The following ACER1 variants were observed in gnomAD, a reference collection of about 807,000 sequenced individuals.
ACER1 encodes the protein alkaline ceramidase 1.
Under a neutral mutation model 24.9 loss-of-function variants are expected in ACER1, and 28 were observed. The ratio of observed to expected loss-of-function variants is 1.13; its 90% CI spans 0.83 to 1.54. The LOEUF (loss-of-function observed/expected upper bound fraction) is 1.54, where lower values mean the gene tolerates loss of function less well. Ranked by LOEUF, ACER1 falls within the 40% of genes most tolerant of loss-of-function variation. The pLI is 0.00. For missense variants in ACER1, 352 were observed against 349.3 expected (o/e 1.01, Z -0.06); for synonymous variants, 132 against 131.4 (o/e 1.00, Z -0.03).
the ACER1 span, among the ~76,000 whole-genome samples, chr19:6,355,531 T>C: frequency 6.7e-6 from 1 of 149,154 alleles, no homozygotes. Context: ...GTCTGGGAAA[T>C]GAGGAGCGTC....
At chr19:6,330,072 C>T (rs1045227509) in intron 1 of ACER1, among the ~76,000 whole-genome samples, 2 of 151,596 alleles carry the variant, frequency 1.3e-5, no homozygotes, top group East Asian at 1.9e-4. Flanking sequence ...GGGGTTTCAC[C>T]GTGTTAGCCA....
intron 1 of ACER1, among the ~76,000 whole-genome samples, chr19:6,326,120 ATTTTTTTTTTT>A (rs961518968): frequency 9.3e-5 from 9 of 97,270 alleles, no homozygotes; most frequent in African/African-American, 3.5e-4. Flanking sequence ...ATGCTCAGCT[ATTTTTTTTTTT>A]TTTTTTTTTT....
intron 1 of ACER1, among the ~76,000 whole-genome samples, chr19:6,314,681 A>G (rs1259678819): frequency 6.6e-6 from 1 of 152,110 alleles, no homozygotes; most frequent in Non-Finnish European, 1.5e-5. Context: ...CAGAATTTTC[A>G]AAGAACTAAA....
intron 1 of ACER1, among the ~76,000 whole-genome samples, chr19:6,331,990 A>C: frequency 6.9e-6 from 1 of 144,634 alleles, no homozygotes; most frequent in African/African-American, 2.6e-5. Context: ...TTTTGAGACG[A>C]AGTCTCGCTC....
At chr19:6,354,716 T>G in the ACER1 span, among the ~76,000 whole-genome samples, 6 of 152,120 alleles carry the variant, frequency 3.9e-5, no homozygotes, top group African/African-American at 1.4e-4. Context: ...GCTCAGGAAT[T>G]TGAGACCAGC....
chr19:6,340,712 G>T, the ACER1 span, among the ~76,000 whole-genome samples: 1 of 152,132 alleles, frequency 6.6e-6, no homozygotes, highest in Non-Finnish European at 1.5e-5. Flanking sequence ...GCCCAGCCCA[G>T]ACCGGAGAAC....
At chr19:6,357,516 A>G in the ACER1 span, among the ~76,000 whole-genome samples, 1 of 151,990 alleles carries the variant, frequency 6.6e-6, no homozygotes, top group Non-Finnish European at 1.5e-5. Flanking sequence ...TCACACCTGT[A>G]ATCTGAGGAC....
chr19:6,325,576 C>T lies in ACER1; in HGVS notation c.93+7883G>A, dbSNP rs541335941. Among the ~76,000 whole-genome samples the T allele has an allele frequency of 4.6e-3, 694 of 152,336 alleles. 5 individuals carry two copies. Among genetic ancestry groups the T allele is most frequent in the African/African-American group, 0.016 (656 of 41,582 alleles). The stretch of plus-strand genomic sequence containing the variant: ...GCTGAGGCAGGAGAATCACTTGAAC[C>T]TGGGAGGCAGAGGTTGCAGTGAGCC... On this transcript the variant is annotated intron_variant, in intron 1 of 5. Transcript: ENST00000301452.
intron 1 of ACER1, among the ~76,000 whole-genome samples, chr19:6,327,582 A>G (rs2091667464): frequency 6.6e-6 from 1 of 150,862 alleles, no homozygotes; most frequent in Admixed American, 6.6e-5. Flanking sequence ...ATAAATAAAT[A>G]AATAATAATA....
At chr19:6,310,297 C>G (rs909838551) in intron 3 of ACER1, among the ~76,000 whole-genome samples, 3 of 150,794 alleles carry the variant, frequency 2.0e-5, no homozygotes, top group Non-Finnish European at 4.4e-5. Flanking sequence ...CCATGTTAGC[C>G]AGGATGGTCT....
chr19:6,319,342 C>T (rs1427468445), intron 1 of ACER1, among the ~76,000 whole-genome samples: 1 of 152,098 alleles, frequency 6.6e-6, no homozygotes, highest in Non-Finnish European at 1.5e-5. Flanking sequence ...GCTCAGCCCC[C>T]ACGTTCCCTG....
chr19:6,310,538 C>G (rs764443036), intron 3 of ACER1, among the ~76,000 whole-genome samples: 2 of 151,924 alleles, frequency 1.3e-5, no homozygotes, highest in Non-Finnish European at 2.9e-5. Flanking sequence ...CCACGGCACT[C>G]CAGCCTGGGT....
At chr19:6,355,853 G>T in the ACER1 span, among the ~76,000 whole-genome samples, 30 of 147,020 alleles carry the variant, frequency 2.0e-4, no homozygotes, top group Non-Finnish European at 3.0e-5. Context: ...AGGTGGGGGG[G>T]TCAGCCCCCC....
intron 1 of ACER1, among the ~76,000 whole-genome samples, chr19:6,320,381 C>T (rs942263556): frequency 2.1e-4 from 32 of 152,174 alleles, no homozygotes; most frequent in African/African-American, 7.2e-4. Context: ...GGCGCGATCT[C>T]GGCTCACTGC....
intron 1 of ACER1, among the ~76,000 whole-genome samples, chr19:6,332,773 C>T (rs1178300472): frequency 6.6e-6 from 1 of 152,050 alleles, no homozygotes; most frequent in Non-Finnish European, 1.5e-5. Context: ...TGGGTTCAAG[C>T]GATTCTCATG....
chr19:6,322,654 A>G (rs1189506578), intron 1 of ACER1, among the ~76,000 whole-genome samples: 1 of 152,138 alleles, frequency 6.6e-6, no homozygotes, highest in Non-Finnish European at 1.5e-5. Context: ...AGAAAGCAAA[A>G]GATTCTTCTT....
chr19:6,306,960 G>A (rs4807863), intron 5 of ACER1, 78 bp from the exon 6 acceptor site: 1,120,379 of 1,530,466 alleles, frequency 0.73, 416,186 homozygotes, highest in Middle Eastern at 0.81. Flanking sequence ...ACTTCTCATG[G>A]CTCTTGACCA....
intron 1 of ACER1, among the ~76,000 whole-genome samples, chr19:6,315,668 C>G (rs982488960): frequency 6.6e-6 from 1 of 150,834 alleles, no homozygotes; most frequent in Non-Finnish European, 1.5e-5. Flanking sequence ...CTTGAGCCAC[C>G]ACGGCCAGCC....
At chr19:6,334,259 TG>T (rs1568314603), upstream of ACER1, among the ~76,000 whole-genome samples, 1 of 152,112 alleles carries the variant, frequency 6.6e-6, no homozygotes, top group Non-Finnish European at 1.5e-5. Context: ...TTAGCCAGGA[TG>T]GTCTCGATCT....
Sources: gnomAD v4.1 joint callset for allele counts (sites outside exome capture counted in the v4.1 genomes callset) on GRCh38, gnomAD v4.1.1 for gene constraint, MANE v1.5 for transcripts, NCBI Gene and HGNC (gene_info 2026-07-23, HGNC 2026-07-21) for gene names.